CLXN: variants seen among roughly 807,000 people sequenced by gnomAD.
CLXN encodes EF-hand calcium binding domain 1.
At chr8:48,712,990 C>CAAAAA in the CLXN span, among the ~76,000 whole-genome samples, 1 of 99,518 alleles carries the variant, frequency 1.0e-5, no homozygotes, top group Non-Finnish European at 1.9e-5. Flanking sequence ...ACTCCTCTGT[C>CAAAAA]AAAAAAAAAA....
the CLXN span, among the ~76,000 whole-genome samples, chr8:48,720,010 G>A: frequency 3.9e-5 from 6 of 152,184 alleles, no homozygotes; most frequent in African/African-American, 1.4e-4. Context: ...AAATTGTGAA[G>A]ATTTCATGGA....
chr8:48,726,928 C>A, the CLXN span, among the ~76,000 whole-genome samples: 1 of 146,994 alleles, frequency 6.8e-6, no homozygotes, highest in Non-Finnish European at 1.5e-5. Context: ...CATTCACCCA[C>A]CCACGCATCC....
the CLXN span, chr8:48,731,610 G>A: frequency 3.2e-5 from 28 of 881,488 alleles, no homozygotes; most frequent in Non-Finnish European, 1.3e-5. Flanking sequence ...CATCAAATAG[G>A]TAATTGTCAA....
At chr8:48,712,424 G>A in the CLXN span, 5 of 152,450 alleles carry the variant, frequency 3.3e-5, no homozygotes, top group African/African-American at 1.2e-4. Flanking sequence ...ACCTCTGTGA[G>A]CCTAGCTGGG....
the CLXN span, among the ~76,000 whole-genome samples, chr8:48,732,250 T>C: frequency 6.6e-6 from 1 of 152,208 alleles, no homozygotes; most frequent in Admixed American, 6.5e-5. Flanking sequence ...GTCTTGATAA[T>C]ATAAAAGCTC....
At chr8:48,721,086 A>C in the CLXN span, among the ~76,000 whole-genome samples, 1 of 152,152 alleles carries the variant, frequency 6.6e-6, no homozygotes, top group East Asian at 1.9e-4. Context: ...ACAACAACAC[A>C]CTGTTAGAAC....
chr8:48,711,788 A>G, the CLXN span: 4 of 152,352 alleles, frequency 2.6e-5, no homozygotes, highest in East Asian at 7.7e-4. Context: ...ATAAGGTCTG[A>G]ATCTTGGCTT....
chr8:48,733,040 G>C, the CLXN span, among the ~76,000 whole-genome samples: 16 of 152,214 alleles, frequency 1.1e-4, no homozygotes, highest in African/African-American at 3.6e-4. Context: ...AAGCAGAACA[G>C]TGTGAATGTA....
chr8:48,735,225 C>A, the CLXN span: 5 of 1,565,694 alleles, frequency 3.2e-6, no homozygotes, highest in Non-Finnish European at 4.4e-6. Context: ...GCGGGACCCC[C>A]GCGAGCCCTG....
chr8:48,730,602 A>G, the CLXN span: 1 of 1,611,970 alleles, frequency 6.2e-7, no homozygotes, highest in African/African-American at 1.3e-5. Context: ...CCACTCCAAT[A>G]CATTTACACA....
At chr8:48,714,539 T>C in the CLXN span, among the ~76,000 whole-genome samples, 1 of 152,230 alleles carries the variant, frequency 6.6e-6, no homozygotes, top group Non-Finnish European at 1.5e-5. Context: ...AAGAGGGTTA[T>C]TCATATGGAG....
chr8:48,732,097 G>A, the CLXN span, among the ~76,000 whole-genome samples: 4 of 152,242 alleles, frequency 2.6e-5, no homozygotes, highest in Admixed American at 2.6e-4. Context: ...TTGGAGGAAG[G>A]AAATTTTTAT....
chr8:48,718,364 C>CAGT, the CLXN span, among the ~76,000 whole-genome samples: 29 of 152,066 alleles, frequency 1.9e-4, no homozygotes, highest in African/African-American at 6.5e-4. Flanking sequence ...TATAGCAATA[C>CAGT]AGTAATAGTA....
the CLXN span, among the ~76,000 whole-genome samples, chr8:48,720,209 A>G: frequency 1.3e-5 from 2 of 152,216 alleles, no homozygotes; most frequent in African/African-American, 4.8e-5. Context: ...GTACCTTGAA[A>G]AAGAACAGAA....
At chr8:48,722,624 T>A in the CLXN span, among the ~76,000 whole-genome samples, 3 of 152,138 alleles carry the variant, frequency 2.0e-5, no homozygotes, top group East Asian at 5.8e-4. Context: ...CCTAGAGTCC[T>A]TCCAGGCAAT....
At chr8:48,734,480 C>T in the CLXN span, 1 of 152,212 alleles carries the variant, frequency 6.6e-6, no homozygotes, top group African/African-American at 2.4e-5. Flanking sequence ...CTTTATCTTT[C>T]AACACCAGGG....
chr8:48,722,789 C>G, the CLXN span, among the ~76,000 whole-genome samples: 1 of 152,038 alleles, frequency 6.6e-6, no homozygotes, highest in East Asian at 1.9e-4. Flanking sequence ...CACAGACACA[C>G]AATGAAATAT....
At chr8:48,728,434 C>T in the CLXN span, among the ~76,000 whole-genome samples, 2 of 152,160 alleles carry the variant, frequency 1.3e-5, no homozygotes, top group African/African-American at 4.8e-5. Flanking sequence ...TCCTCCCATA[C>T]AGCTGTTTAG....
the CLXN span, chr8:48,724,737 G>A: frequency 6.2e-7 from 1 of 1,605,182 alleles, no homozygotes; most frequent in African/African-American, 1.3e-5. Context: ...TAGACATTTA[G>A]TTATTCACAT....
Sources: allele counts gnomAD v4.1 joint callset (sites outside exome capture counted in the v4.1 genomes callset), GRCh38; gene constraint gnomAD v4.1.1; transcripts MANE v1.5; gene names NCBI Gene and HGNC (gene_info 2026-07-23, HGNC 2026-07-21).